The following LSAMP variants were observed in gnomAD, a reference collection of about 807,000 sequenced individuals.
LSAMP encodes the protein limbic system associated membrane protein.
LSAMP carries 7 observed loss-of-function variants against 38.6 expected under a neutral mutation model. The observed-to-expected ratio is 0.18, with a 90% CI of 0.10 to 0.34. The LOEUF (loss-of-function observed/expected upper bound fraction) is 0.34, where lower values mean the gene tolerates loss of function less well. Ranked by LOEUF, LSAMP falls within the 10% of genes least tolerant of loss-of-function variation. The probability of loss-of-function intolerance (pLI) is 1.00; values close to 1 mark genes in which losing one functional copy is unlikely to be tolerated. For synonymous variants in LSAMP, 154 were observed against 166.8 expected (o/e 0.92, Z 0.59); for missense variants, 313 against 420.0 (o/e 0.75, Z 2.23).
At chr3:115,991,890 G>A (rs1939680036) in intron 3 of LSAMP, among the ~76,000 whole-genome samples, 1 of 151,992 alleles carries the variant, frequency 6.6e-6, no homozygotes, top group African/African-American at 2.4e-5. Context: ...CAGGAATAAG[G>A]CCATGCCATG....
At chr3:116,092,972 T>A (rs1708156457) in intron 1 of LSAMP, among the ~76,000 whole-genome samples, 1 of 152,236 alleles carries the variant, frequency 6.6e-6, no homozygotes, top group Non-Finnish European at 1.5e-5. Flanking sequence ...TAGCCTTGCA[T>A]AAATTTCCTT....
At chr3:116,080,990 A>T (rs1707858624) in intron 2 of LSAMP, among the ~76,000 whole-genome samples, 1 of 152,198 alleles carries the variant, frequency 6.6e-6, no homozygotes, top group South Asian at 2.1e-4. Context: ...GATGGGAGTG[A>T]AGGAAGAAAG....
In LSAMP at chr3:116,444,865, C is replaced by G. The variant is rs778117622; in HGVS notation, c.155+12G>C. The G allele has an allele frequency of 6.2e-7, 1 of 1,613,768 alleles. No homozygotes were observed. The highest frequency in any genetic ancestry group is 2.2e-5 in the East Asian group (1 of 44,816). ...AGACGCGCGCAGCAGAAAAGTTGCC[C>G]GAAAGCCCTACCTGAGGATGGCTGT... On this transcript the variant is annotated intron_variant, in intron 1 of 6. Transcript: ENST00000490035.
chr3:116,299,316 C>T (rs1459579208), intron 1 of LSAMP, among the ~76,000 whole-genome samples: 3 of 152,160 alleles, frequency 2.0e-5, no homozygotes, highest in East Asian at 1.9e-4. Flanking sequence ...CAGAGTCTCA[C>T]GTACTGGAAA....
chr3:116,178,166 G>T (rs184600757), intron 1 of LSAMP, among the ~76,000 whole-genome samples: 18 of 151,980 alleles, frequency 1.2e-4, no homozygotes, highest in Admixed American at 8.5e-4. Context: ...AAAGGGAAGA[G>T]ACTTAATTTT....
chr3:116,416,867 A>C (rs2107848283), intron 1 of LSAMP, among the ~76,000 whole-genome samples: 1 of 152,156 alleles, frequency 6.6e-6, no homozygotes, highest in African/African-American at 2.4e-5. Context: ...AATAACTAAT[A>C]CATATTAAAC....
At chr3:115,960,003 C>T (rs569539658) in intron 3 of LSAMP, among the ~76,000 whole-genome samples, 22 of 152,180 alleles carry the variant, frequency 1.4e-4, no homozygotes, top group African/African-American at 4.1e-4. Flanking sequence ...TTGGGGTCTA[C>T]GCCATGCTGA....
intron 3 of LSAMP, among the ~76,000 whole-genome samples, chr3:115,992,583 A>G (rs958200516): frequency 6.6e-6 from 1 of 152,206 alleles, no homozygotes; most frequent in East Asian, 1.9e-4. Context: ...GCAAATAAAC[A>G]TAAAAGTAAG....
intron 2 of LSAMP, among the ~76,000 whole-genome samples, chr3:116,047,270 C>T (rs779606402): frequency 6.6e-6 from 1 of 151,420 alleles, no homozygotes; most frequent in Non-Finnish European, 1.5e-5. Context: ...CAACTCAGTC[C>T]GAAACAGAAA....
intron 1 of LSAMP, among the ~76,000 whole-genome samples, chr3:116,153,538 C>T (rs1439293351): frequency 6.6e-6 from 1 of 152,106 alleles, no homozygotes; most frequent in Admixed American, 6.6e-5. Context: ...GGAAAGACCA[C>T]ACATATCTCA....
intron 3 of LSAMP, among the ~76,000 whole-genome samples, chr3:116,008,096 T>C (rs1391247284): frequency 6.6e-6 from 1 of 152,226 alleles, no homozygotes; most frequent in Non-Finnish European, 1.5e-5. Context: ...GATTGTAATT[T>C]AAGTCTTTAT....
At position 115,836,654 on chromosome 3, in the gene LSAMP, CT is replaced by C. The variant is rs368503098; in HGVS notation, c.919+5190del. Among the ~76,000 whole-genome samples the C allele has an allele frequency of 2.0e-3, 300 of 151,246 alleles. 4 individuals are homozygous for C. Among genetic ancestry groups the C allele is most frequent in the African/African-American group, 6.8e-3 (274 of 40,578 alleles). On this transcript the variant is annotated intron_variant, in intron 6 of 6. Coordinates refer to ENST00000490035, the MANE Select transcript of LSAMP (RefSeq NM_002338.5). ...TTAACTCTCAGCTTTGGTTTCTTAC[CT>C]GCTAAGTGGGTGGGCGAGGGGAGGC...
intron 1 of LSAMP, among the ~76,000 whole-genome samples, chr3:116,144,858 T>C (rs866390711): frequency 4.1e-4 from 62 of 152,068 alleles, no homozygotes; most frequent in African/African-American, 1.2e-3. Context: ...CTATATCTAT[T>C]CACATACAAA....
intron 3 of LSAMP, among the ~76,000 whole-genome samples, chr3:115,947,513 C>T (rs553966128): frequency 2.6e-5 from 4 of 152,146 alleles, no homozygotes; most frequent in Middle Eastern, 3.4e-3. Flanking sequence ...ATAGTGGTTA[C>T]GTTGGGAGAA....
At chr3:115,894,555 C>T (rs1180634970) in intron 3 of LSAMP, among the ~76,000 whole-genome samples, 1 of 151,976 alleles carries the variant, frequency 6.6e-6, no homozygotes, top group Non-Finnish European at 1.5e-5. Context: ...CTTTGGCAGA[C>T]CATCTTATTC....
chr3:115,896,997 T>C (rs1289003686), intron 3 of LSAMP, among the ~76,000 whole-genome samples: 2 of 152,036 alleles, frequency 1.3e-5, no homozygotes, highest in African/African-American at 4.8e-5. Context: ...CTTTCTTCTG[T>C]CAGTGATGGG....
intron 1 of LSAMP, among the ~76,000 whole-genome samples, chr3:116,168,769 T>A (rs1710123448): frequency 6.6e-6 from 1 of 152,210 alleles, no homozygotes; most frequent in African/African-American, 2.4e-5. Flanking sequence ...GGAGCTATTA[T>A]GGATTAGATA....
intron 1 of LSAMP, among the ~76,000 whole-genome samples, chr3:116,114,148 C>T (rs1156806992): frequency 1.3e-5 from 2 of 152,216 alleles, no homozygotes; most frequent in African/African-American, 2.4e-5. Flanking sequence ...AATCCTTCCT[C>T]ATCATTCCTA....
chr3:116,162,482 T>G (rs149802316), intron 1 of LSAMP, among the ~76,000 whole-genome samples: 71 of 152,284 alleles, frequency 4.7e-4, no homozygotes, highest in African/African-American at 1.7e-3. Flanking sequence ...CACTTTGTTA[T>G]CAGAGTTGGG....
Sources: gnomAD v4.1 joint callset for allele counts (sites outside exome capture counted in the v4.1 genomes callset) on GRCh38, gnomAD v4.1.1 for gene constraint, MANE v1.5 for transcripts, NCBI Gene and HGNC (gene_info 2026-07-23, HGNC 2026-07-21) for gene names.